Variants in ZFR observed in about 807,000 individuals in gnomAD.
The protein encoded by ZFR is zinc finger RNA binding protein.
In ZFR, 19 loss-of-function variants were observed where a neutral mutation model predicts 130.7. The ratio of observed to expected loss-of-function variants is 0.15; its 90% CI spans 0.10 to 0.21. ZFR has a LOEUF of 0.21. Ranked by LOEUF, ZFR falls within the 10% of genes least tolerant of loss-of-function variation. ZFR has a pLI of 1.00. For synonymous variants in ZFR, 466 were observed against 456.9 expected (o/e 1.02, Z -0.25); for missense variants, 872 against 1,321.5 (o/e 0.66, Z 5.27).
intron 2 of ZFR, among the ~76,000 whole-genome samples, chr5:32,443,902 GCGGCGGTGGCGGCTCCGCT>G (rs1754531346): frequency 6.6e-6 from 1 of 152,222 alleles, no homozygotes. Context: ...GGCCTGCCGG[GCGGCGGTGGCGGCTCCGCT>G]CGGCGGCCGC....
chr5:32,420,547 C>G (rs1305802171), intron 2 of ZFR, among the ~76,000 whole-genome samples: 1 of 152,116 alleles, frequency 6.6e-6, no homozygotes, highest in African/African-American at 2.4e-5. Flanking sequence ...AGCCCAATTA[C>G]AGAAAGAAAT....
At chr5:32,429,188 G>A (rs887163321) in intron 2 of ZFR, among the ~76,000 whole-genome samples, 15 of 151,900 alleles carry the variant, frequency 9.9e-5, no homozygotes, top group Non-Finnish European at 1.9e-4. Flanking sequence ...GGGTTTCACC[G>A]TGTTAGCCAG....
At chr5:32,416,177 A>T (rs1431066802) in intron 4 of ZFR, among the ~76,000 whole-genome samples, 1 of 152,216 alleles carries the variant, frequency 6.6e-6, no homozygotes, top group African/African-American at 2.4e-5. Context: ...TCCAAGAGCT[A>T]AACAACTTAC....
chr5:32,425,547 A>C (rs1581712407), intron 2 of ZFR, among the ~76,000 whole-genome samples: 1 of 152,306 alleles, frequency 6.6e-6, no homozygotes, highest in African/African-American at 2.4e-5. Flanking sequence ...TTTCTTTTTG[A>C]GTCGGAGTCT....
chr5:32,406,871 G>A lies in ZFR; in HGVS notation c.935C>T (p.Ala312Val). 1 of 1,614,018 alleles carries A rather than the reference G, an allele frequency of 6.2e-7. No homozygotes were observed. ...AWTGTTFTKKAPFQNKQLKPK... is the reference protein window; with the variant it reads ...AWTGTTFTKKVPFQNKQLKPK... Reference sequence around the variant, plus strand: ...TTTCAGTTGTTTATTTTGGAATGGTGCTTTTTTAGTAAAGGTGGTCCCTGT... The same window carrying A: ...TTTCAGTTGTTTATTTTGGAATGGTACTTTTTTAGTAAAGGTGGTCCCTGT... Residue 312 changes from alanine to valine, a missense_variant, in exon 6 of 20, where the codon GCA becomes GTA. This residue lies in a region of ZFR where 240 missense variants were observed against 441.2 expected (regional missense o/e 0.54). Transcript: ENST00000265069.
intron 5 of ZFR, among the ~76,000 whole-genome samples, chr5:32,408,794 A>T (rs1753636346): frequency 6.6e-6 from 1 of 152,222 alleles, no homozygotes. Flanking sequence ...ACTGATATAC[A>T]GCTACCTGTT....
chr5:32,443,079 T>C (rs1205453522), intron 2 of ZFR, among the ~76,000 whole-genome samples: 1 of 150,952 alleles, frequency 6.6e-6, no homozygotes, highest in African/African-American at 2.4e-5. Flanking sequence ...CAAAAGAGAC[T>C]GAACTCGGGT....
rs1753632012 is a variant in ZFR at position 32,408,673 on chromosome 5, G to C, written c.785-1652C>G. 2.0e-5 allele frequency among the ~76,000 whole-genome samples: 3 copies of C among 152,184 alleles called. No homozygotes were observed. In the South Asian group the frequency reaches 6.2e-4, roughly 32 times the overall value. On this transcript the variant is annotated intron_variant, in intron 5 of 19. Transcript: ENST00000265069. ...TCTTTTATCACATTCGTAAGTAATAGAGGACGTTTGTAGGACTGCCCAGTA... is the reference window on the plus strand; with the variant it reads ...TCTTTTATCACATTCGTAAGTAATACAGGACGTTTGTAGGACTGCCCAGTA...
intron 5 of ZFR, 150 bp downstream of exon 5, chr5:32,414,819 A>T (rs1035298888): frequency 9.3e-6 from 6 of 642,450 alleles, no homozygotes; most frequent in African/African-American, 7.4e-5. Flanking sequence ...CAATTTACAG[A>T]ACAGTCACAT....
chr5:32,386,684 A>T (rs1753053502), intron 14 of ZFR, among the ~76,000 whole-genome samples: 1 of 152,116 alleles, frequency 6.6e-6, no homozygotes, highest in Non-Finnish European at 1.5e-5. Context: ...TCCCATCTGG[A>T]ATAATGGTAA....
At chr5:32,367,608 C>G (rs930203259) in intron 17 of ZFR, among the ~76,000 whole-genome samples, 5 of 151,968 alleles carry the variant, frequency 3.3e-5, no homozygotes, top group Non-Finnish European at 5.9e-5. Flanking sequence ...GAGATGAGGT[C>G]TTGCTATGTT....
chr5:32,415,224 T>TA (rs767884559), intron 4 of ZFR, 37 bp from the exon 5 acceptor site: 1 of 1,561,720 alleles, frequency 6.4e-7, no homozygotes, highest in South Asian at 1.1e-5. Context: ...ATTAGAAGAG[T>TA]AAGCCACTAT....
chr5:32,416,803 C>T (rs1753836188), intron 4 of ZFR, among the ~76,000 whole-genome samples: 1 of 152,028 alleles, frequency 6.6e-6, no homozygotes, highest in Non-Finnish European at 1.5e-5. Context: ...CACTTGCCCA[C>T]ATTAGCAATA....
At chr5:32,438,377 C>T (rs1332517328) in intron 2 of ZFR, among the ~76,000 whole-genome samples, 1 of 150,792 alleles carries the variant, frequency 6.6e-6, no homozygotes, top group African/African-American at 2.4e-5. Context: ...TATTCTCCTG[C>T]CTCAGCCTCC....
chr5:32,390,169 G>T, intron 12 of ZFR, 106 bp downstream of exon 12: 2 of 1,406,726 alleles, frequency 1.4e-6, no homozygotes, highest in South Asian at 1.4e-5. Context: ...AAACTACCAA[G>T]ATTACAAGAT....
intron 2 of ZFR, among the ~76,000 whole-genome samples, chr5:32,438,600 T>C (rs1257786835): frequency 2.0e-5 from 3 of 152,164 alleles, no homozygotes; most frequent in African/African-American, 7.2e-5. Flanking sequence ...TGCTGTACTC[T>C]TATTACTTCT....
chr5:32,409,945 C>G (rs967257492), intron 5 of ZFR, among the ~76,000 whole-genome samples: 1 of 151,816 alleles, frequency 6.6e-6, no homozygotes, highest in South Asian at 2.1e-4. Context: ...TACACTCCAG[C>G]CTGGGTGACA....
At chr5:32,428,916 C>G (rs928131746) in intron 2 of ZFR, among the ~76,000 whole-genome samples, 36 of 151,272 alleles carry the variant, frequency 2.4e-4, no homozygotes, top group African/African-American at 8.0e-4. Flanking sequence ...CAGCTCACAA[C>G]TTTGGGGCTA....
In ZFR at chr5:32,395,170, T is replaced by G. The variant is rs1481293936; in HGVS notation, c.1968A>C (p.Arg656Ser). ...GTTAAAGATATTACCTCATTTCCAT[T>G]CTCCAACGCTCCTCTTCTTCTCGTC... is the stretch of plus-strand genomic sequence containing the variant. The part of the protein sequence containing the change: ...WRRREEEERW[R>S]MEMRRYEEDM... Residue 656 changes from arginine to serine, a missense_variant, in exon 11 of 20, where the codon AGA becomes AGC. By Grantham distance (110) the Arg-to-Ser change is moderately radical (BLOSUM62 -1). Transcript: ENST00000265069. The G allele has an allele frequency of 1.3e-6, 2 of 1,594,314 alleles. No homozygotes were observed. Among genetic ancestry groups the G allele is most frequent in the Non-Finnish European group, 1.7e-6 (2 of 1,172,324 alleles).
Sources: gnomAD v4.1 joint callset for allele counts (sites outside exome capture counted in the v4.1 genomes callset) on GRCh38, gnomAD v4.1.1 for gene constraint, gnomAD v4.1.1 regional missense constraint, MANE v1.5 for transcripts, NCBI Gene and HGNC (gene_info 2026-07-23, HGNC 2026-07-21) for gene names.